Variants in ETFBKMT observed in about 807,000 individuals in gnomAD.
The protein encoded by ETFBKMT is electron transfer flavoprotein subunit beta lysine methyltransferase.
In ETFBKMT, 13 loss-of-function variants were observed where a neutral mutation model predicts 18.3. That is an observed-to-expected ratio of 0.71 (90% CI 0.46 to 1.13). The LOEUF (loss-of-function observed/expected upper bound fraction) is 1.13, where lower values mean the gene tolerates loss of function less well. ETFBKMT is among the 50% of genes most tolerant of loss of function. The probability of loss-of-function intolerance (pLI) is 0.00; values close to 1 mark genes in which losing one functional copy is unlikely to be tolerated. For synonymous variants in ETFBKMT, 84 were observed against 107.9 expected (o/e 0.78, Z 1.37); for missense variants, 293 against 306.2 (o/e 0.96, Z 0.32).
In ETFBKMT at chr12:31,648,304, T is replaced by A. The variant is rs534106438; in HGVS notation, c.-114+1049T>A. 1.2e-3 allele frequency among the ~76,000 whole-genome samples: 187 copies of A among 152,284 alleles called. 1 individual carries two copies. Among genetic ancestry groups the A allele is most frequent in the African/African-American group, 4.1e-3 (171 of 41,570 alleles). On this transcript the variant is annotated intron_variant, in intron 1 of 3. Coordinates refer to the ETFBKMT transcript ENST00000412352. ...GTTCCTTATATAAAATGATGTAGTA[T>A]TTGCATAATTACTTTAAATCATCTG... is the stretch of plus-strand genomic sequence containing the variant.
chr12:31,658,009 A>T (rs2139615439), upstream of ETFBKMT, among the ~76,000 whole-genome samples: 1 of 152,308 alleles, frequency 6.6e-6, no homozygotes, highest in African/African-American at 2.4e-5. Context: ...TCCAAACATT[A>T]TTAAATGCAT....
chr12:31,664,741 G>C (rs1489209559), intron 2 of ETFBKMT, among the ~76,000 whole-genome samples: 1 of 149,052 alleles, frequency 6.7e-6, no homozygotes, highest in Admixed American at 6.8e-5. Flanking sequence ...TCAGCCTCCC[G>C]AGTAGCTGGG....
chr12:31,662,162 G>A lies in ETFBKMT; in HGVS notation c.209G>A (p.Arg70Gln), dbSNP rs372084048. ...AGCCTCACCCCTGAAATCCAGTTGC[G>A]GCTTTTGACCCCCAGATGCAAATTC... ...SGSLTPEIQL[R>Q]LLTPRCKFWW... Residue 70 changes from arginine to glutamine, a missense_variant, in exon 2 of 4, where the codon CGG becomes CAG. Arg to Gln is a conservative substitution (Grantham distance 43). Transcript: ENST00000357721. 17 of 1,614,206 alleles carry A rather than the reference G, an allele frequency of 1.1e-5. No homozygotes were observed. The highest frequency in any genetic ancestry group is 7.7e-5 in the South Asian group (7 of 91,086).
chr12:31,654,348 C>A (rs574577212), upstream of ETFBKMT, among the ~76,000 whole-genome samples: 63 of 152,364 alleles, frequency 4.1e-4, 1 homozygote, highest in African/African-American at 1.5e-3. Context: ...TGGTGCCCAG[C>A]AGGCACAACC....
upstream of ETFBKMT, among the ~76,000 whole-genome samples, chr12:31,656,301 C>T (rs533650476): frequency 1.3e-5 from 2 of 152,182 alleles, no homozygotes; most frequent in South Asian, 2.1e-4. Context: ...CAGTGAGGAG[C>T]GGTTAGCAGT....
chr12:31,651,679 C>A (rs945208214), intron 1 of ETFBKMT, among the ~76,000 whole-genome samples: 8 of 152,080 alleles, frequency 5.3e-5, no homozygotes, highest in Admixed American at 5.2e-4. Flanking sequence ...TCTCCAGAGA[C>A]TGGGAATTGA....
At chr12:31,658,168 T>C (rs1951078093), upstream of ETFBKMT, among the ~76,000 whole-genome samples, 1 of 152,212 alleles carries the variant, frequency 6.6e-6, no homozygotes, top group Admixed American at 6.5e-5. Flanking sequence ...TTAAAAACAA[T>C]ATTTCTTATA....
rs1218138601 is a variant in ETFBKMT, at chr12:31,671,352, GTTAGCATA to G, written c.*3363_*3370del. 6 of 152,092 alleles carry G rather than the reference GTTAGCATA, an allele frequency of 3.9e-5. No individual in the cohort carries two copies. The highest frequency in any genetic ancestry group is 3.9e-4 in the Admixed American group (6 of 15,274). 9.4% of individuals were successfully genotyped at this position (152,092 alleles called of 1,614,324 possible). A position where few individuals can be genotyped will look rare whatever the true frequency, so the allele number is the denominator to read the frequency against. On this transcript the variant is annotated 3_prime_UTR_variant, in exon 4 of 4. Coordinates refer to ENST00000357721, the MANE Select transcript of ETFBKMT (RefSeq NM_001135863.2). ...AGTACCCCCCAACATATACAAGAAA[GTTAGCATA>G]CTTACCCCGTTTTTCACTACATCAG...
At chr12:31,661,755 G>A (rs533042747) in intron 1 of ETFBKMT, 86 bp from the exon 2 acceptor site, 64 of 574,356 alleles carry the variant, frequency 1.1e-4, no homozygotes, top group Middle Eastern at 9.5e-4. Flanking sequence ...CACCGCGCCC[G>A]GCCAATATTT....
rs768310190 is a variant in ETFBKMT, at chr12:31,662,210, G to A, written c.257G>A (p.Trp86Ter). 1 of 1,614,188 alleles carries A rather than the reference G, an allele frequency of 6.2e-7. No homozygotes were observed. ...CKFWWERADLWPHSDPYWAIY... is the reference protein window; with the variant it reads ...CKFWWERADL ...TTCTGGTGGGAGAGAGCTGACCTGTGGCCCCACAGTGATCCTTACTGGGCA... is the reference window on the plus strand; with the variant it reads ...TTCTGGTGGGAGAGAGCTGACCTGTAGCCCCACAGTGATCCTTACTGGGCA... Residue 86 changes from tryptophan to a stop codon, truncating the protein, a stop_gained, in exon 2 of 4, where the codon TGG becomes TAG. Coordinates refer to ENST00000357721, the MANE Select transcript of ETFBKMT (RefSeq NM_001135863.2). LOFTEE classifies it high-confidence loss of function.
chr12:31,650,436 C>A (rs867566004), intron 1 of ETFBKMT, among the ~76,000 whole-genome samples: 1 of 152,170 alleles, frequency 6.6e-6, no homozygotes, highest in Admixed American at 6.6e-5. Context: ...AACAAGCAAC[C>A]CTTGGGGCTG....
At chr12:31,652,456 T>C (rs1432099573) in intron 1 of ETFBKMT, among the ~76,000 whole-genome samples, 4 of 152,212 alleles carry the variant, frequency 2.6e-5, no homozygotes, top group African/African-American at 4.8e-5. Flanking sequence ...CTTCATAAAT[T>C]TATCATTTCT....
chr12:31,647,877 T>C (rs1950981722), intron 1 of ETFBKMT, among the ~76,000 whole-genome samples: 1 of 151,860 alleles, frequency 6.6e-6, no homozygotes, highest in Admixed American at 6.6e-5. Context: ...CAAGTGTTGA[T>C]AAGAATGTGG....
chr12:31,647,740 A>T (rs1441127300), intron 1 of ETFBKMT, among the ~76,000 whole-genome samples: 1 of 152,128 alleles, frequency 6.6e-6, no homozygotes, highest in Non-Finnish European at 1.5e-5. Context: ...GGGACAGGAG[A>T]ATCACGTGAA....
At chr12:31,667,239 C>A (rs1432090968) in intron 3 of ETFBKMT, among the ~76,000 whole-genome samples, 1 of 152,220 alleles carries the variant, frequency 6.6e-6, no homozygotes, top group African/African-American at 2.4e-5. Context: ...AGGTGATCCA[C>A]CCGCCTCGGC....
At chr12:31,657,654 T>C (rs1344374341), upstream of ETFBKMT, among the ~76,000 whole-genome samples, 1 of 151,566 alleles carries the variant, frequency 6.6e-6, no homozygotes, top group Non-Finnish European at 1.5e-5. Flanking sequence ...TAGCTGGGTG[T>C]GGTGGTGTGC....
chr12:31,665,631 A>G (rs1048904349), intron 2 of ETFBKMT, among the ~76,000 whole-genome samples: 1 of 152,228 alleles, frequency 6.6e-6, no homozygotes, highest in African/African-American at 2.4e-5. Context: ...CAGGCGTCTC[A>G]CAGCCTTCAG....
At position 31,661,949 on chromosome 12, in the gene ETFBKMT, G is replaced by T; in HGVS notation, c.-5G>T. The T allele has an allele frequency of 6.2e-7, 1 of 1,612,906 alleles. No homozygotes were observed. On this transcript the variant is annotated 5_prime_UTR_variant, in exon 2 of 4. Transcript: ENST00000357721. The stretch of plus-strand genomic sequence containing the variant: ...TGACAGAACCTGTGTTTGGGGAAAG[G>T]ACTGATGGCTTTGAGTCTAGGTTGG...
chr12:31,656,252 C>A (rs925477701), upstream of ETFBKMT, among the ~76,000 whole-genome samples: 1 of 151,978 alleles, frequency 6.6e-6, no homozygotes, highest in Admixed American at 6.6e-5. Context: ...AGGACCTTAA[C>A]GTTGAACTGA....
Sources: allele counts gnomAD v4.1 joint callset (sites outside exome capture counted in the v4.1 genomes callset), GRCh38; gene constraint gnomAD v4.1.1; transcripts MANE v1.5; gene names NCBI Gene and HGNC (gene_info 2026-07-23, HGNC 2026-07-21).